The following UNC5C variants were observed in gnomAD, a reference collection of about 807,000 sequenced individuals.
The protein encoded by UNC5C is unc-5 netrin receptor C.
Under a neutral mutation model 99.8 loss-of-function variants are expected in UNC5C, and 47 were observed. That is an observed-to-expected ratio of 0.47 (90% CI 0.37 to 0.60). The LOEUF (loss-of-function observed/expected upper bound fraction) is 0.60, where lower values mean the gene tolerates loss of function less well. Among genes scored for constraint, UNC5C ranks in the 20% least tolerant of loss-of-function variants. The pLI is 0.00. For synonymous variants in UNC5C, 487 were observed against 452.2 expected, an observed-to-expected ratio of 1.08 and a Z score of -0.98; for missense variants, 1,062 against 1,165.9, an observed-to-expected ratio of 0.91 and a Z score of 1.30.
At chr4:95,404,706 G>A (rs1188522429) in intron 1 of UNC5C, among the ~76,000 whole-genome samples, 3 of 152,100 alleles carry the variant, frequency 2.0e-5, no homozygotes, top group Admixed American at 6.5e-5. Flanking sequence ...GTATATCTGC[G>A]GCCCTAAATG....
chr4:95,344,532 GA>G (rs980363528), intron 1 of UNC5C, among the ~76,000 whole-genome samples: 4 of 151,886 alleles, frequency 2.6e-5, no homozygotes, highest in Non-Finnish European at 5.9e-5. Flanking sequence ...GCAAGTATAC[GA>G]AAAACACACA....
At chr4:95,190,848 G>A (rs975647353) in intron 12 of UNC5C, among the ~76,000 whole-genome samples, 1 of 152,188 alleles carries the variant, frequency 6.6e-6, no homozygotes, top group African/African-American at 2.4e-5. Flanking sequence ...AGACTGGCCG[G>A]CCCAGAGTGA....
At chr4:95,351,493 G>A (rs2149429625) in intron 1 of UNC5C, among the ~76,000 whole-genome samples, 1 of 152,160 alleles carries the variant, frequency 6.6e-6, no homozygotes, top group African/African-American at 2.4e-5. Context: ...TCCCTTTAGT[G>A]TTTGTAAGTA....
chr4:95,483,677 G>A (rs1015660031), intron 1 of UNC5C, among the ~76,000 whole-genome samples: 1 of 151,774 alleles, frequency 6.6e-6, no homozygotes, highest in African/African-American at 2.4e-5. Context: ...TGACCTGAAG[G>A]GTTCCCTCTC....
intron 7 of UNC5C, among the ~76,000 whole-genome samples, chr4:95,220,474 G>C (rs1354307871): frequency 3.3e-5 from 5 of 151,648 alleles, no homozygotes; most frequent in Non-Finnish European, 5.9e-5. Flanking sequence ...CAACCCACAG[G>C]AAAAAAAAGT....
At chr4:95,423,688 A>G (rs1414752567) in intron 1 of UNC5C, among the ~76,000 whole-genome samples, 1 of 152,224 alleles carries the variant, frequency 6.6e-6, no homozygotes, top group Non-Finnish European at 1.5e-5. Flanking sequence ...TAAAATGAAG[A>G]GTACATTTCC....
intron 7 of UNC5C, among the ~76,000 whole-genome samples, chr4:95,229,262 T>C (rs1218039198): frequency 5.6e-4 from 85 of 152,278 alleles, no homozygotes; most frequent in Non-Finnish European, 3.1e-4. Flanking sequence ...TTTCTCCTAA[T>C]GCTATCCCTC....
At position 95,389,904 on chromosome 4, in the gene UNC5C, C is replaced by T. The variant is rs569780271; in HGVS notation, c.125-54273G>A. Among the ~76,000 whole-genome samples, 496 of 152,130 alleles carry T rather than the reference C, an allele frequency of 3.3e-3. 2 individuals are homozygous for T. Among genetic ancestry groups the T allele is most frequent in the African/African-American group, 0.011 (466 of 41,524 alleles). The stretch of plus-strand genomic sequence containing the variant: ...TAAGATAATTTTAGCTGCTTCTTTT[C>T]GCTTTTTTAGTGTGAGTACAAGAAA... On this transcript the variant is annotated intron_variant, in intron 1 of 15. Coordinates refer to ENST00000453304, the MANE Select transcript of UNC5C (RefSeq NM_003728.4).
intron 1 of UNC5C, among the ~76,000 whole-genome samples, chr4:95,513,378 T>C (rs1722129050): frequency 6.6e-6 from 1 of 152,176 alleles, no homozygotes; most frequent in Admixed American, 6.6e-5. Context: ...AAGGTAATGG[T>C]TGGATAAACA....
At chr4:95,512,653 C>T (rs1296793590) in intron 1 of UNC5C, among the ~76,000 whole-genome samples, 1 of 152,012 alleles carries the variant, frequency 6.6e-6, no homozygotes, top group African/African-American at 2.4e-5. Flanking sequence ...TAAAATTTAC[C>T]ATCTCTGACA....
At chr4:95,526,456 G>A (rs1163379310) in intron 1 of UNC5C, among the ~76,000 whole-genome samples, 3 of 151,988 alleles carry the variant, frequency 2.0e-5, no homozygotes, top group African/African-American at 4.8e-5. Flanking sequence ...AATACAAAGT[G>A]TAAATAAATA....
chr4:95,197,280 C>G (rs1737470069), intron 12 of UNC5C, among the ~76,000 whole-genome samples: 1 of 151,538 alleles, frequency 6.6e-6, no homozygotes, highest in Admixed American at 6.6e-5. Context: ...TGGACTCATT[C>G]CCTGAGAATA....
At chr4:95,503,717 T>G (rs990013990) in intron 1 of UNC5C, among the ~76,000 whole-genome samples, 1 of 152,252 alleles carries the variant, frequency 6.6e-6, no homozygotes. Flanking sequence ...ATTTCTGTCC[T>G]TTTACTTGAA....
chr4:95,407,910 T>A (rs1312788811), intron 1 of UNC5C, among the ~76,000 whole-genome samples: 1 of 152,152 alleles, frequency 6.6e-6, no homozygotes, highest in African/African-American at 2.4e-5. Context: ...ATGTTAAGAA[T>A]AATAGAATAA....
At chr4:95,454,159 C>G (rs760308966) in intron 1 of UNC5C, among the ~76,000 whole-genome samples, 1 of 151,988 alleles carries the variant, frequency 6.6e-6, no homozygotes, top group South Asian at 2.1e-4. Flanking sequence ...ATGTGTTACG[C>G]GAATTTCACC....
intron 1 of UNC5C, among the ~76,000 whole-genome samples, chr4:95,537,431 A>C (rs1722808936): frequency 6.6e-6 from 1 of 152,152 alleles, no homozygotes; most frequent in Admixed American, 6.5e-5. Flanking sequence ...ACAGCCACTG[A>C]TTAATTACTG....
At chr4:95,405,955 G>A (rs1207625772) in intron 1 of UNC5C, among the ~76,000 whole-genome samples, 2 of 152,180 alleles carry the variant, frequency 1.3e-5, no homozygotes, top group East Asian at 1.9e-4. Context: ...TTACCATAAT[G>A]TGAAATGAAC....
chr4:95,411,974 C>G (rs1746005934), intron 1 of UNC5C, among the ~76,000 whole-genome samples: 1 of 150,564 alleles, frequency 6.6e-6, no homozygotes, highest in Admixed American at 6.6e-5. Flanking sequence ...CTCCATAATG[C>G]TGTGGAATGT....
intron 1 of UNC5C, among the ~76,000 whole-genome samples, chr4:95,472,602 G>C (rs1444129084): frequency 6.6e-6 from 1 of 152,084 alleles, no homozygotes; most frequent in African/African-American, 2.4e-5. Context: ...ACTGAAGCCT[G>C]TTCCCTGTGC....
Sources: gnomAD v4.1 joint callset for allele counts (sites outside exome capture counted in the v4.1 genomes callset) on GRCh38, gnomAD v4.1.1 for gene constraint, MANE v1.5 for transcripts, NCBI Gene and HGNC (gene_info 2026-07-23, HGNC 2026-07-21) for gene names.